The following NFATC3 variants were observed in gnomAD, a reference collection of about 807,000 sequenced individuals.
NFATC3 encodes nuclear factor of activated T cells 3.
In NFATC3, 46 loss-of-function variants were observed where a neutral mutation model predicts 98.6. That is an observed-to-expected ratio of 0.47 (90% confidence interval 0.37 to 0.60). NFATC3 has a LOEUF of 0.60. Among genes scored for constraint, NFATC3 ranks in the 20% least tolerant of loss-of-function variants. The pLI, the probability that NFATC3 is intolerant of heterozygous loss-of-function variation, is 0.00. For missense variants in NFATC3, 1,256 were observed against 1,295.5 expected, an observed-to-expected ratio of 0.97 and a Z score of 0.47; for synonymous variants, 512 against 472.2, an observed-to-expected ratio of 1.08 and a Z score of -1.09.
chr16:68,095,454 G>A (rs2034969903), intron 1 of NFATC3, among the ~76,000 whole-genome samples: 2 of 148,532 alleles, frequency 1.3e-5, no homozygotes, highest in Non-Finnish European at 3.0e-5. Flanking sequence ...CCAGGTTCAA[G>A]TGATTTTCCT....
Position 68,202,813 on chromosome 16 carries a change from A to AAAAT in NFATC3, c.3106+11053_3106+11056dup, listed in dbSNP as rs1256432575. Among the ~76,000 whole-genome samples the AAAAT allele has an allele frequency of 9.9e-5, 15 of 151,974 alleles. No individual in the cohort carries two copies. The South Asian group carries it at 2.5e-3, about 25-fold the overall frequency. On this transcript the variant is annotated intron_variant, in intron 9 of 9. Coordinates refer to ENST00000346183, the MANE Select transcript of NFATC3 (RefSeq NM_173165.3). ...GGCAACAGGAGCAAAACTCCATCTC[A>AAAAT]AAATAAATAAATAAATAATAAAAAA... is the stretch of plus-strand genomic sequence containing the variant.
chr16:68,132,198 A>G (rs2037147851), intron 3 of NFATC3, among the ~76,000 whole-genome samples: 1 of 152,204 alleles, frequency 6.6e-6, no homozygotes, highest in Non-Finnish European at 1.5e-5. Context: ...GGATGTGAGG[A>G]AACAGCCAAA....
At chr16:68,201,478 C>A (rs2040912104) in intron 9 of NFATC3, among the ~76,000 whole-genome samples, 1 of 149,894 alleles carries the variant, frequency 6.7e-6, no homozygotes, top group South Asian at 2.2e-4. Context: ...GCCATGTTGC[C>A]CAGGCTGGTC....
In NFATC3 at chr16:68,085,629, C is replaced by T. The variant is rs921891648; in HGVS notation, c.-53C>T. The T allele has an allele frequency of 7.9e-5, 114 of 1,449,810 alleles. No individual in the cohort carries two copies. Among genetic ancestry groups the T allele is most frequent in the Non-Finnish European group, 1.0e-4 (111 of 1,094,850 alleles). 89.8% of individuals were successfully genotyped at this position (1,449,810 alleles called of 1,614,324 possible). A position where few individuals can be genotyped will look rare whatever the true frequency, so the allele number is the denominator to read the frequency against. On this transcript the variant is annotated 5_prime_UTR_variant, in exon 1 of 10. Transcript: ENST00000346183. ...GTTGAGGAGCTGCTGCCGCCGCTTG[C>T]CGCTGCCGCCGCCGCCGCCTGAGGA...
In NFATC3 at chr16:68,137,616, T is replaced by G. The variant is rs1468671776; in HGVS notation, c.1401+11006T>G. Reference sequence around the variant, plus strand: ...AATTTCTTAGTATATTTCATTTTCCTTCTTTTTTTTTTTTTTTGAAACAGT... The same window carrying G: ...AATTTCTTAGTATATTTCATTTTCCGTCTTTTTTTTTTTTTTTGAAACAGT... On this transcript the variant is annotated intron_variant, in intron 3 of 9. Coordinates refer to ENST00000346183, the MANE Select transcript of NFATC3 (RefSeq NM_173165.3). Among the ~76,000 whole-genome samples, 3 of 151,670 alleles carry G rather than the reference T, an allele frequency of 2.0e-5. No homozygotes were observed. In the East Asian group the frequency reaches 5.8e-4, roughly 29 times the overall value.
intron 3 of NFATC3, among the ~76,000 whole-genome samples, chr16:68,136,657 C>T (rs574328033): frequency 1.1e-4 from 17 of 152,228 alleles, no homozygotes; most frequent in African/African-American, 3.9e-4. Context: ...GGATATGTTC[C>T]GAGAAATGCA....
intron 4 of NFATC3, among the ~76,000 whole-genome samples, chr16:68,158,442 A>G (rs2038722517): frequency 6.6e-6 from 1 of 152,186 alleles, no homozygotes; most frequent in Non-Finnish European, 1.5e-5. Flanking sequence ...CAGGCATCCC[A>G]CTTGACCCAT....
chr16:68,191,887 TA>T (rs904762121), intron 9 of NFATC3, 112 bp downstream of exon 9: 7 of 1,142,732 alleles, frequency 6.1e-6, no homozygotes, highest in Non-Finnish European at 8.8e-6. Context: ...GTTGGGCTTT[TA>T]AATAAGTTGT....
At chr16:68,199,529 AC>A (rs1390632283) in intron 9 of NFATC3, among the ~76,000 whole-genome samples, 1 of 126,712 alleles carries the variant, frequency 7.9e-6, no homozygotes, top group Non-Finnish European at 1.7e-5. Context: ...CGGCCCCAAG[AC>A]CCTGTTTAAA....
chr16:68,199,297 C>T (rs1420730530), intron 9 of NFATC3, among the ~76,000 whole-genome samples: 1 of 149,052 alleles, frequency 6.7e-6, no homozygotes, highest in East Asian at 2.0e-4. Flanking sequence ...GATCTTGGCT[C>T]ACTGCAAGCT....
intron 9 of NFATC3, among the ~76,000 whole-genome samples, chr16:68,206,798 C>T (rs1203344287): frequency 6.6e-6 from 1 of 151,958 alleles, no homozygotes; most frequent in African/African-American, 2.4e-5. Flanking sequence ...GCCTGGGCAA[C>T]ATGGCGAGAC....
At chr16:68,137,739 G>T (rs1390370357) in intron 3 of NFATC3, among the ~76,000 whole-genome samples, 1 of 150,608 alleles carries the variant, frequency 6.6e-6, no homozygotes, top group Non-Finnish European at 1.5e-5. Context: ...TCAGCCTCCC[G>T]AGTAGCTGGG....
At chr16:68,094,271 T>C (rs2034889163) in intron 1 of NFATC3, among the ~76,000 whole-genome samples, 1 of 152,194 alleles carries the variant, frequency 6.6e-6, no homozygotes, top group Admixed American at 6.5e-5. Flanking sequence ...ATTTGTCATC[T>C]TGCAGGCTGT....
At chr16:68,152,321 G>A (rs901273258) in intron 3 of NFATC3, among the ~76,000 whole-genome samples, 11 of 144,612 alleles carry the variant, frequency 7.6e-5, no homozygotes, top group African/African-American at 2.8e-4. Flanking sequence ...AAATGTTGCA[G>A]TGAGCCAAGA....
chr16:68,104,720 C>G (rs2035558764), intron 1 of NFATC3, among the ~76,000 whole-genome samples: 1 of 147,158 alleles, frequency 6.8e-6, no homozygotes, highest in African/African-American at 2.6e-5. Context: ...GGCGCGATCT[C>G]TGCTCACTGC....
intron 7 of NFATC3, 51 bp from the exon 8 acceptor site, chr16:68,183,189 G>A (rs1025358237): frequency 1.3e-6 from 2 of 1,531,672 alleles, no homozygotes; most frequent in African/African-American, 1.4e-5. Context: ...TTTAACAGGT[G>A]CATTTCATTT....
At chr16:68,087,085 A>G (rs2034421384) in intron 1 of NFATC3, among the ~76,000 whole-genome samples, 1 of 152,232 alleles carries the variant, frequency 6.6e-6, no homozygotes, top group South Asian at 2.1e-4. Flanking sequence ...TAGTAGAGGA[A>G]GAAACAGGAA....
chr16:68,111,117 G>C (rs1041842493), intron 1 of NFATC3, among the ~76,000 whole-genome samples: 1 of 152,130 alleles, frequency 6.6e-6, no homozygotes, highest in Non-Finnish European at 1.5e-5. Context: ...TGAGAAGAAT[G>C]TATATTCTGT....
intron 2 of NFATC3, among the ~76,000 whole-genome samples, chr16:68,123,581 G>C: frequency 6.6e-6 from 1 of 151,720 alleles, no homozygotes; most frequent in Non-Finnish European, 1.5e-5. Flanking sequence ...TGGAAGGATT[G>C]CTTGAGCCCA....
Sources: allele counts gnomAD v4.1 joint callset (sites outside exome capture counted in the v4.1 genomes callset), GRCh38; gene constraint gnomAD v4.1.1; transcripts MANE v1.5; gene names NCBI Gene and HGNC (gene_info 2026-07-23, HGNC 2026-07-21).